The following CFAP20DC variants were observed in gnomAD, a reference collection of about 807,000 sequenced individuals.
CFAP20DC encodes the protein CFAP20 domain containing, also known as protein CFAP20DC.
In CFAP20DC, 84 loss-of-function variants were observed where a neutral mutation model predicts 101.7. The ratio of observed to expected loss-of-function variants is 0.83; its 90% confidence interval spans 0.69 to 0.99. CFAP20DC has a LOEUF of 0.99. CFAP20DC is among the 50% of genes least tolerant of loss of function. CFAP20DC has a pLI of 0.00. For synonymous variants in CFAP20DC, 359 were observed against 351.2 expected (o/e 1.02, Z -0.25); for missense variants, 1,007 against 970.3 (o/e 1.04, Z -0.50).
intron 14 of CFAP20DC, among the ~76,000 whole-genome samples, chr3:58,809,562 G>C (rs1300806736): frequency 6.6e-6 from 1 of 151,882 alleles, no homozygotes; most frequent in Non-Finnish European, 1.5e-5. Context: ...AGTGTGTAGA[G>C]GGAAATTTAT....
chr3:58,861,831 G>A lies in CFAP20DC; in HGVS notation c.1593+1727C>T, dbSNP rs1363725464. 1.0e-6 allele frequency: 1 copy of A among 985,400 alleles called. No individual in the cohort carries two copies. The highest frequency in any genetic ancestry group is 4.7e-5 in the South Asian group (1 of 21,284). 61.0% of individuals were successfully genotyped at this position (985,400 alleles called of 1,614,324 possible). ...TCACCTTGATGGGCATGGCACAGGG[G>A]TGACCAGATAGCCCTGCCAGTGAAA... On this transcript the variant is annotated intron_variant, in intron 12 of 16. Coordinates refer to ENST00000482387, the MANE Select transcript of CFAP20DC (RefSeq NM_001394063.1). The surrounding 1 kb of genome is among the most constrained non-coding windows in gnomAD (Gnocchi z 4.0).
At chr3:58,886,365 A>AT (rs995267258) in intron 6 of CFAP20DC, among the ~76,000 whole-genome samples, 14 of 152,152 alleles carry the variant, frequency 9.2e-5, no homozygotes, top group African/African-American at 3.1e-4. Flanking sequence ...AAGGCTTGAG[A>AT]TAAAAAGTTA....
intron 12 of CFAP20DC, among the ~76,000 whole-genome samples, chr3:58,852,205 A>T (rs2078310431): frequency 1.3e-5 from 2 of 152,088 alleles, no homozygotes; most frequent in African/African-American, 4.8e-5. Context: ...CTTCAAGGAA[A>T]TGCTTCAGGA....
At chr3:58,929,372 T>A (rs1235938901) in intron 5 of CFAP20DC, among the ~76,000 whole-genome samples, 3 of 152,230 alleles carry the variant, frequency 2.0e-5, no homozygotes, top group African/African-American at 7.2e-5. Context: ...ATTTATTAAC[T>A]ACACACTGAA....
chr3:58,980,656 T>C (rs951486244), intron 4 of CFAP20DC, among the ~76,000 whole-genome samples: 2 of 152,022 alleles, frequency 1.3e-5, no homozygotes, highest in Non-Finnish European at 1.5e-5. Flanking sequence ...AATTCAACAA[T>C]GCTTCATGCT....
At chr3:58,842,711 G>T (rs913466980) in intron 13 of CFAP20DC, among the ~76,000 whole-genome samples, 1 of 152,366 alleles carries the variant, frequency 6.6e-6, no homozygotes, top group African/African-American at 2.4e-5. Context: ...TCTGGGGGCA[G>T]GGCACAGACA....
At chr3:58,759,990 T>C (rs1056652618) in intron 15 of CFAP20DC, among the ~76,000 whole-genome samples, 2 of 152,218 alleles carry the variant, frequency 1.3e-5, no homozygotes, top group African/African-American at 4.8e-5. Context: ...CTTTGTTCTT[T>C]TGGCTTAGGA....
intron 15 of CFAP20DC, among the ~76,000 whole-genome samples, chr3:58,756,587 T>C (rs1575560539): frequency 6.6e-6 from 1 of 152,070 alleles, no homozygotes; most frequent in East Asian, 1.9e-4. Flanking sequence ...ACATTAACAA[T>C]CAAAAGTCAA....
At chr3:58,991,112 A>G (rs1253297778) in intron 4 of CFAP20DC, among the ~76,000 whole-genome samples, 1 of 152,232 alleles carries the variant, frequency 6.6e-6, no homozygotes, top group Non-Finnish European at 1.5e-5. Context: ...TAGGTACACA[A>G]TCATGAACAC....
At chr3:58,734,391 G>A (rs2067705029) in intron 3 of CFAP20DC, 1 of 364,342 alleles carries the variant, frequency 2.7e-6, no homozygotes, top group Non-Finnish European at 5.5e-6. Flanking sequence ...TATCACCAGA[G>A]TTCCAAACCT....
chr3:58,877,078 A>G (rs929149487), intron 7 of CFAP20DC, among the ~76,000 whole-genome samples: 1 of 152,222 alleles, frequency 6.6e-6, no homozygotes, highest in Non-Finnish European at 1.5e-5. Flanking sequence ...CACTGTGCCC[A>G]GTAGGGAGTA....
At chr3:58,825,514 T>A (rs1461498440) in intron 14 of CFAP20DC, among the ~76,000 whole-genome samples, 1 of 148,712 alleles carries the variant, frequency 6.7e-6, no homozygotes, top group Non-Finnish European at 1.5e-5. Flanking sequence ...CATTGATAGC[T>A]GTTCCTGTTC....
At chr3:58,750,406 A>G (rs2068486551) in intron 16 of CFAP20DC, among the ~76,000 whole-genome samples, 1 of 152,174 alleles carries the variant, frequency 6.6e-6, no homozygotes, top group Non-Finnish European at 1.5e-5. Flanking sequence ...ATGGGATAAT[A>G]ATAGCATCCA....
At chr3:59,034,770 T>C (rs2094064797) in intron 4 of CFAP20DC, among the ~76,000 whole-genome samples, 1 of 152,084 alleles carries the variant, frequency 6.6e-6, no homozygotes, top group South Asian at 2.1e-4. Flanking sequence ...CCACTGTCAA[T>C]ATTAGACAGC....
chr3:58,967,063 G>A (rs1249729881), intron 4 of CFAP20DC, among the ~76,000 whole-genome samples: 1 of 152,116 alleles, frequency 6.6e-6, no homozygotes, highest in Non-Finnish European at 1.5e-5. Context: ...ATCTTGAAAA[G>A]CATGAACAAA....
At chr3:59,046,409 A>G (rs1402572439) in intron 2 of CFAP20DC, 87 bp from the exon 3 acceptor site, 1 of 816,164 alleles carries the variant, frequency 1.2e-6, no homozygotes, top group Non-Finnish European at 1.9e-6. Context: ...CTACAGGGAA[A>G]AAAAAATCCC....
chr3:58,912,660 G>A lies in CFAP20DC; in HGVS notation c.550+1048C>T. The A allele has an allele frequency of 2.3e-6, 1 of 438,578 alleles. No individual in the cohort carries two copies. 27.2% of individuals were successfully genotyped at this position (438,578 alleles called of 1,614,324 possible). ...AGATGAAAATCAAAAGGAGGCATCA[G>A]TATTCTTTCAATACTTTTGGTTGTT... On this transcript the variant is annotated intron_variant, in intron 6 of 16. Transcript: ENST00000482387. This position sits in a 1 kb window ranked among gnomAD's most constrained non-coding sequence, Gnocchi z 4.4.
chr3:58,935,968 C>A (rs1433757320), intron 5 of CFAP20DC, among the ~76,000 whole-genome samples: 2 of 151,808 alleles, frequency 1.3e-5, no homozygotes, highest in Non-Finnish European at 2.9e-5. Context: ...AAAGAAACTA[C>A]CATCAGAGTG....
intron 13 of CFAP20DC, among the ~76,000 whole-genome samples, chr3:58,835,351 T>C (rs1040186158): frequency 6.6e-6 from 1 of 152,090 alleles, no homozygotes; most frequent in Non-Finnish European, 1.5e-5. Flanking sequence ...AAGGTGGCAT[T>C]TGAGAGTAAT....
Sources: gnomAD v4.1 joint callset for allele counts (sites outside exome capture counted in the v4.1 genomes callset) on GRCh38, gnomAD v4.1.1 for gene constraint, Gnocchi (gnomAD v3.1) non-coding constraint, MANE v1.5 for transcripts, NCBI Gene and HGNC (gene_info 2026-07-23, HGNC 2026-07-21) for gene names.